B9D1: variants seen among roughly 807,000 people sequenced by gnomAD.
The protein encoded by B9D1 is B9 domain containing 1.
A neutral mutation model predicts 26.1 loss-of-function variants in B9D1; 20 were observed. The ratio of observed to expected loss-of-function variants is 0.77; its 90% CI spans 0.54 to 1.12. The LOEUF (loss-of-function observed/expected upper bound fraction) is 1.12. B9D1 is among the 50% of genes most tolerant of loss of function. The probability of loss-of-function intolerance (pLI) is 0.00; values close to 1 mark genes in which losing one functional copy is unlikely to be tolerated. For synonymous variants in B9D1, 105 were observed against 103.1 expected (o/e 1.02, Z -0.11); for missense variants, 260 against 273.7 (o/e 0.95, Z 0.35).
In B9D1 at chr17:19,375,568, A is replaced by C. The variant is rs142059528; in HGVS notation, c.-298+2291T>G. ...AGGTCAGGAGTTCGAAACCAGCCTG[A>C]CCATCTCTAATAAAAATATAAAAAT... is the stretch of plus-strand genomic sequence containing the variant. On this transcript the variant is annotated intron_variant, in intron 1 of 5. Transcript: ENST00000477478. Among the ~76,000 whole-genome samples, 14 of 152,196 alleles carry C rather than the reference A, an allele frequency of 9.2e-5. No homozygotes were observed. The East Asian group carries it at 2.5e-3, about 27-fold the overall frequency.
At chr17:19,356,223 C>T (rs1434217129) in intron 3 of B9D1, among the ~76,000 whole-genome samples, 1 of 152,022 alleles carries the variant, frequency 6.6e-6, no homozygotes, top group Non-Finnish European at 1.5e-5. Context: ...CCCCAAGTAG[C>T]TAAGATTACA....
chr17:19,376,085 T>G (rs1223885499), intron 1 of B9D1, among the ~76,000 whole-genome samples: 1 of 152,236 alleles, frequency 6.6e-6, no homozygotes, highest in Non-Finnish European at 1.5e-5. Flanking sequence ...ATGAACTTTA[T>G]GCTAAGTGAA....
chr17:19,348,097 C>T (rs942362205), intron 3 of B9D1, among the ~76,000 whole-genome samples: 1 of 152,180 alleles, frequency 6.6e-6, no homozygotes, highest in Non-Finnish European at 1.5e-5. Flanking sequence ...GAGGCCTGGG[C>T]ACACATTCCA....
chr17:19,348,110 C>T (rs1391315449), intron 3 of B9D1, among the ~76,000 whole-genome samples: 2 of 152,258 alleles, frequency 1.3e-5, no homozygotes, highest in East Asian at 3.9e-4. Context: ...ACATTCCACA[C>T]CCCTTCTCAC....
downstream of B9D1, among the ~76,000 whole-genome samples, chr17:19,340,445 T>C (rs1907835563): frequency 8.1e-5 from 1 of 12,356 alleles, no homozygotes; most frequent in African/African-American, 3.7e-4. Context: ...AGTGCTGGGA[T>C]TACAGGCGTC....
chr17:19,373,403 T>C (rs970297723), intron 1 of B9D1, among the ~76,000 whole-genome samples: 1 of 151,878 alleles, frequency 6.6e-6, no homozygotes, highest in Non-Finnish European at 1.5e-5. Context: ...TTACTTTTTT[T>C]TTTTTTGAGA....
intron 1 of B9D1, among the ~76,000 whole-genome samples, chr17:19,374,271 CAT>C (rs572245611): frequency 8.5e-4 from 129 of 152,282 alleles, no homozygotes; most frequent in Admixed American, 3.1e-3. Context: ...TTAGAGAGCA[CAT>C]GTTCTTTCAA....
At chr17:19,348,901 A>G (rs1909221338) in intron 3 of B9D1, among the ~76,000 whole-genome samples, 1 of 152,198 alleles carries the variant, frequency 6.6e-6, no homozygotes, top group African/African-American at 2.4e-5. Context: ...ATCTGTCACA[A>G]TGACTGTTCA....
chr17:19,343,582 A>G (rs1369049143), intron 6 of B9D1, 121 bp from the exon 7 acceptor site: 1 of 1,577,248 alleles, frequency 6.3e-7, no homozygotes, highest in South Asian at 1.1e-5. Context: ...GCCTGACCCA[A>G]GCCCCTCACT....
intron 1 of B9D1, among the ~76,000 whole-genome samples, chr17:19,377,365 G>A (rs1017513624): frequency 2.0e-5 from 3 of 152,140 alleles, no homozygotes; most frequent in Admixed American, 6.5e-5. Flanking sequence ...AAAAGGATGA[G>A]TTTTATGGTA....
chr17:19,356,350 C>G (rs1237398080), intron 3 of B9D1, among the ~76,000 whole-genome samples: 5 of 152,170 alleles, frequency 3.3e-5, no homozygotes, highest in African/African-American at 1.2e-4. Context: ...CCTCAGCCTC[C>G]CAAAGTGCTG....
At chr17:19,343,127 C>T (rs1290530040), downstream of B9D1, 47 of 1,429,652 alleles carry the variant, frequency 3.3e-5, no homozygotes, top group Non-Finnish European at 4.1e-5. Context: ...CCCCCAGCTC[C>T]TGTGGGGGAG....
chr17:19,348,271 G>A (rs560092520), intron 3 of B9D1, among the ~76,000 whole-genome samples: 76 of 152,250 alleles, frequency 5.0e-4, no homozygotes, highest in African/African-American at 1.8e-3. Context: ...GGGCTCATGG[G>A]ACTGAGGTGG....
In B9D1 at chr17:19,343,267, A is replaced by ACTTCG; in HGVS notation, c.*47_*51dup. The stretch of plus-strand genomic sequence containing the variant: ...CCCTCAGGCCGATGGGCAGCGGCTG[A>ACTTCG]CTTCGGGAAGGCAGCCCTTCATTAT... On this transcript the variant is annotated 3_prime_UTR_variant, in exon 7 of 7. Transcript: ENST00000261499. 1 of 1,612,614 alleles carries ACTTCG rather than the reference A, an allele frequency of 6.2e-7. No homozygotes were observed.
At chr17:19,354,556 G>A (rs1420860368) in intron 3 of B9D1, among the ~76,000 whole-genome samples, 3 of 152,192 alleles carry the variant, frequency 2.0e-5, no homozygotes, top group African/African-American at 7.2e-5. Flanking sequence ...TTGGCTGGGT[G>A]CAGTGGCTCA....
intron 1 of B9D1, among the ~76,000 whole-genome samples, chr17:19,368,367 G>T (rs1015612686): frequency 6.6e-6 from 1 of 152,248 alleles, no homozygotes; most frequent in Admixed American, 6.5e-5. Flanking sequence ...GGGAGAAAGT[G>T]CTTGGAGTAG....
rs1464015432 is a variant in B9D1, at chr17:19,347,443, G to A, written c.342-112C>T. 8 of 1,297,128 alleles carry A rather than the reference G, an allele frequency of 6.2e-6. No individual in the cohort carries two copies. Among genetic ancestry groups the A allele is most frequent in the South Asian group, 1.2e-5 (1 of 81,114 alleles). The allele number at this position is 1,297,128 out of a possible 1,614,324, so 80.4% of individuals were successfully genotyped here. On this transcript the variant is annotated intron_variant, in intron 4 of 6. Transcript: ENST00000261499. This position sits in a 1 kb window ranked among gnomAD's most constrained non-coding sequence, Gnocchi z 4.3. Reference sequence around the variant, plus strand: ...TGCAGCTGCAGCGTGGGCCAAGTCAGGGCCAATGTCAACGAATCCAACCTG... The same window carrying A: ...TGCAGCTGCAGCGTGGGCCAAGTCAAGGCCAATGTCAACGAATCCAACCTG...
chr17:19,369,676 A>T lies in B9D1; in HGVS notation c.-298+8183T>A, dbSNP rs577442819. On this transcript the variant is annotated intron_variant, in intron 1 of 5. Transcript: ENST00000477478. ...TCCAGGTAGGTTTGCCAGACTTAGCAAAGAAAAATACAGGATGCATGCACT... is the reference window on the plus strand; with the variant it reads ...TCCAGGTAGGTTTGCCAGACTTAGCTAAGAAAAATACAGGATGCATGCACT... Among the ~76,000 whole-genome samples the T allele has an allele frequency of 2.6e-5, 4 of 152,312 alleles. No homozygotes were observed. The South Asian group carries it at 8.3e-4, about 32-fold the overall frequency.
intron 5 of B9D1, chr17:19,344,394 G>A (rs1029525524): frequency 5.4e-5 from 12 of 221,016 alleles, no homozygotes; most frequent in Middle Eastern, 1.0e-3. Context: ...GGCACCCACC[G>A]CAGGCCCTGC....
Sources: allele counts gnomAD v4.1 joint callset (sites outside exome capture counted in the v4.1 genomes callset), GRCh38; gene constraint gnomAD v4.1.1; non-coding constraint Gnocchi (gnomAD v3.1); transcripts MANE v1.5; gene names NCBI Gene and HGNC (gene_info 2026-07-23, HGNC 2026-07-21).